KIF13A: variants seen among roughly 807,000 people sequenced by gnomAD.
The protein encoded by KIF13A is kinesin-like protein KIF13A.
Under a neutral mutation model 212.2 loss-of-function variants are expected in KIF13A, and 79 were observed. That is an observed-to-expected ratio of 0.37 (90% CI 0.31 to 0.45). The LOEUF (loss-of-function observed/expected upper bound fraction) is 0.45, where lower values mean the gene tolerates loss of function less well. KIF13A is among the 20% of genes least tolerant of loss of function. The pLI is 1.00. For synonymous variants in KIF13A, 789 were observed against 808.6 expected (o/e 0.98, Z 0.41); for missense variants, 1,901 against 2,209.0 (o/e 0.86, Z 2.79).
At chr6:17,907,595 A>C (rs1410023665) in intron 2 of KIF13A, among the ~76,000 whole-genome samples, 1 of 151,776 alleles carries the variant, frequency 6.6e-6, no homozygotes, top group African/African-American at 2.4e-5. Flanking sequence ...GTGGAGTTAG[A>C]AGGCTGCAAA....
intron 17 of KIF13A, among the ~76,000 whole-genome samples, chr6:17,815,952 G>A (rs1014339509): frequency 2.0e-5 from 3 of 149,406 alleles, no homozygotes; most frequent in African/African-American, 4.9e-5. Context: ...TTGTCACCCA[G>A]GCTGGAGTGC....
At chr6:17,930,892 A>G (rs1775928917) in intron 2 of KIF13A, among the ~76,000 whole-genome samples, 1 of 152,230 alleles carries the variant, frequency 6.6e-6, no homozygotes. Context: ...CTTGCCTAGA[A>G]TTTGGTAGAC....
At position 17,799,516 on chromosome 6, in the gene KIF13A, A is replaced by T; in HGVS notation, c.2617-77T>A. 5 of 1,230,736 alleles carry T rather than the reference A, an allele frequency of 4.1e-6. No homozygotes were observed. Among genetic ancestry groups the T allele is most frequent in the Non-Finnish European group, 5.5e-6 (5 of 901,696 alleles). The allele number at this position is 1,230,736 out of a possible 1,614,324, so 76.2% of individuals were successfully genotyped here. On this transcript the variant is annotated intron_variant, in intron 21 of 38. Transcript: ENST00000259711. The surrounding 1 kb of genome is among the most constrained non-coding windows in gnomAD (Gnocchi z 4.4). Reference sequence around the variant, plus strand: ...TCATTTCAGCTACCTCAAATTTAAGAGTAAGCGATGAAACAAATTGGTCAT... The same window carrying T: ...TCATTTCAGCTACCTCAAATTTAAGTGTAAGCGATGAAACAAATTGGTCAT...
At chr6:17,808,231 C>G (rs1763143262) in intron 18 of KIF13A, among the ~76,000 whole-genome samples, 1 of 152,130 alleles carries the variant, frequency 6.6e-6, no homozygotes, top group Non-Finnish European at 1.5e-5. Flanking sequence ...ACTAAAAACA[C>G]AAAAATTGGC....
At position 17,963,548 on chromosome 6, in the gene KIF13A, T is replaced by C. The variant is rs1779033421; in HGVS notation, c.146+23506A>G. On this transcript the variant is annotated intron_variant, in intron 2 of 38. Coordinates refer to ENST00000259711, the MANE Select transcript of KIF13A (RefSeq NM_022113.6). The surrounding 1 kb of genome is among the most constrained non-coding windows in gnomAD (Gnocchi z 4.1). ...CCCAAGAGATTTGAGATTTGTAGGATAGATTTGTTCTATATCTTTCTTTTT... is the reference window on the plus strand; with the variant it reads ...CCCAAGAGATTTGAGATTTGTAGGACAGATTTGTTCTATATCTTTCTTTTT... Among the ~76,000 whole-genome samples the C allele has an allele frequency of 6.6e-6, 1 of 152,260 alleles. No homozygotes were observed.
chr6:17,858,112 T>C (rs927360258), intron 4 of KIF13A, among the ~76,000 whole-genome samples: 332 of 132,098 alleles, frequency 2.5e-3, no homozygotes, highest in African/African-American at 6.0e-3. Context: ...TGTGTGTGTG[T>C]GCATGCACGC....
intron 4 of KIF13A, among the ~76,000 whole-genome samples, chr6:17,862,103 A>G (rs983501648): frequency 6.6e-6 from 1 of 152,244 alleles, no homozygotes; most frequent in South Asian, 2.1e-4. Context: ...GCAGCTTCAA[A>G]TGACTGGGCT....
intron 2 of KIF13A, among the ~76,000 whole-genome samples, chr6:17,975,598 G>C (rs1014720392): frequency 3.3e-5 from 5 of 152,186 alleles, no homozygotes; most frequent in African/African-American, 1.2e-4. Context: ...ACTGCCGCTA[G>C]TTCGGGCAGC....
At chr6:17,986,219 T>C (rs1385201072) in intron 2 of KIF13A, among the ~76,000 whole-genome samples, 2 of 152,242 alleles carry the variant, frequency 1.3e-5, no homozygotes, top group Non-Finnish European at 2.9e-5. Flanking sequence ...CATATATATA[T>C]TTACAAGCTA....
intron 3 of KIF13A, among the ~76,000 whole-genome samples, chr6:17,884,816 T>C (rs1163195666): frequency 6.6e-6 from 1 of 152,182 alleles, no homozygotes; most frequent in Admixed American, 6.5e-5. Flanking sequence ...TCTGCCACTA[T>C]CTACTTTGAA....
At position 17,785,675 on chromosome 6, in the gene KIF13A, A is replaced by G; in HGVS notation, c.3362-34T>C. On this transcript the variant is annotated intron_variant, in intron 27 of 38. Transcript: ENST00000259711. This position sits in a 1 kb window ranked among gnomAD's most constrained non-coding sequence, Gnocchi z 5.8. ...AAAAATGAGGAGATCAATGCCAACA[A>G]GAGAGAAAGTATGACTTCTCAGTTT... The G allele has an allele frequency of 6.3e-7, 1 of 1,586,216 alleles. No individual in the cohort carries two copies. The highest frequency in any genetic ancestry group is 8.6e-7 in the Non-Finnish European group (1 of 1,165,812).
chr6:17,974,986 G>C lies in KIF13A; in HGVS notation c.146+12068C>G, dbSNP rs557641614. ...AGTTCTATTGGACAGTGCTGGTCTA[G>C]ACTAGTTCTCAAAGCTTGGTCCCAA... On this transcript the variant is annotated intron_variant, in intron 2 of 38. Coordinates refer to ENST00000259711, the MANE Select transcript of KIF13A (RefSeq NM_022113.6). Among the ~76,000 whole-genome samples, 69 of 152,272 alleles carry C rather than the reference G, an allele frequency of 4.5e-4. No individual in the cohort carries two copies. The Middle Eastern group carries it at 0.01, about 23-fold the overall frequency.
At position 17,764,556 on chromosome 6, in the gene KIF13A, C is replaced by CT; in HGVS notation, c.4971dup (p.Gly1658ArgfsTer30). The CT allele has an allele frequency of 6.2e-7, 1 of 1,613,892 alleles. No individual in the cohort carries two copies. The highest frequency in any genetic ancestry group is 8.5e-7 in the Non-Finnish European group (1 of 1,179,862). On this transcript the variant is annotated frameshift_variant, in exon 39 of 39. Coordinates refer to ENST00000259711, the MANE Select transcript of KIF13A (RefSeq NM_022113.6). LOFTEE classifies it low-confidence loss of function (END_TRUNC). The surrounding 1 kb of genome is among the most constrained non-coding windows in gnomAD (Gnocchi z 5.1). ...ACAATTATCTTGTCCTTTACCAAGC[C>CT]TTTTTCGACTTCTGTCAACTCTTTG...
chr6:17,776,336 T>C lies in KIF13A; in HGVS notation c.4170+941A>G, dbSNP rs1301040458. Among the ~76,000 whole-genome samples the C allele has an allele frequency of 2.6e-5, 4 of 152,338 alleles. No homozygotes were observed. The East Asian group carries it at 7.7e-4, about 29-fold the overall frequency. ...ATTATAGGGAATTTAGGGCTAATAA[T>C]TTCTAGGTACCACTTTAGCTGCATT... On this transcript the variant is annotated intron_variant, in intron 34 of 38. Coordinates refer to ENST00000259711, the MANE Select transcript of KIF13A (RefSeq NM_022113.6). The surrounding 1 kb of genome is among the most constrained non-coding windows in gnomAD (Gnocchi z 4.6).
chr6:17,980,812 G>A (rs977517421), intron 2 of KIF13A, among the ~76,000 whole-genome samples: 3 of 152,078 alleles, frequency 2.0e-5, no homozygotes, highest in Non-Finnish European at 2.9e-5. Flanking sequence ...ACTAAATATT[G>A]ATCCAACCAA....
chr6:17,972,059 CA>C (rs1779848947), intron 2 of KIF13A, among the ~76,000 whole-genome samples: 1 of 152,154 alleles, frequency 6.6e-6, no homozygotes, highest in South Asian at 2.1e-4. Flanking sequence ...TTCAAGGCTT[CA>C]AAAAACTTAA....
intron 2 of KIF13A, among the ~76,000 whole-genome samples, chr6:17,942,634 A>G (rs968871472): frequency 9.9e-5 from 15 of 152,276 alleles, no homozygotes; most frequent in African/African-American, 3.4e-4. Context: ...AAATATAGTC[A>G]AAGTCCTCCT....
At position 17,799,177 on chromosome 6, in the gene KIF13A, A is replaced by T; in HGVS notation, c.2790+89T>A. ...AACATCTAATAAACATATTATACTTAAAACAAATGCTTGTGGGGACAACTG... is the reference window on the plus strand; with the variant it reads ...AACATCTAATAAACATATTATACTTTAAACAAATGCTTGTGGGGACAACTG... On this transcript the variant is annotated intron_variant, in intron 22 of 38. Transcript: ENST00000259711. This position sits in a 1 kb window ranked among gnomAD's most constrained non-coding sequence, Gnocchi z 4.4. 1.2e-6 allele frequency: 1 copy of T among 867,198 alleles called. No homozygotes were observed. The highest frequency in any genetic ancestry group is 1.6e-6 in the Non-Finnish European group (1 of 615,134). 53.7% of individuals were successfully genotyped at this position (867,198 alleles called of 1,614,324 possible).
intron 31 of KIF13A, among the ~76,000 whole-genome samples, chr6:17,780,375 G>C (rs1760454914): frequency 6.6e-6 from 1 of 152,236 alleles, no homozygotes; most frequent in South Asian, 2.1e-4. Context: ...CAGTAGGATA[G>C]GGATTTGTTT....
Sources: gnomAD v4.1 joint callset for allele counts (sites outside exome capture counted in the v4.1 genomes callset) on GRCh38, gnomAD v4.1.1 for gene constraint, Gnocchi (gnomAD v3.1) non-coding constraint, MANE v1.5 for transcripts, NCBI Gene and HGNC (gene_info 2026-07-23, HGNC 2026-07-21) for gene names.